Variants in STK17B observed in about 807,000 individuals in gnomAD.
STK17B encodes serine/threonine-protein kinase 17B.
Under a neutral mutation model 42.0 loss-of-function variants are expected in STK17B, and 21 were observed. That is an observed-to-expected ratio of 0.50 (90% CI 0.35 to 0.72). The LOEUF (loss-of-function observed/expected upper bound fraction) is 0.72, where lower values mean the gene tolerates loss of function less well. STK17B is among the 30% of genes least tolerant of loss of function. The pLI is 0.00. For synonymous variants in STK17B, 143 were observed against 148.4 expected (o/e 0.96, Z 0.26); for missense variants, 349 against 446.0 (o/e 0.78, Z 1.96).
chr2:196,143,480 G>T, intron 5 of STK17B, 80 bp downstream of exon 5: 2 of 1,295,364 alleles, frequency 1.5e-6, no homozygotes, highest in East Asian at 2.5e-5. Context: ...CGAATTACAT[G>T]CTCTAAAATA....
At chr2:196,173,457 A>C (rs1296872158), upstream of STK17B, among the ~76,000 whole-genome samples, 2 of 152,174 alleles carry the variant, frequency 1.3e-5, no homozygotes, top group Non-Finnish European at 2.9e-5. Flanking sequence ...GCCTGATGTC[A>C]GATTTGTTAA....
chr2:196,171,955 C>T (rs186136850), upstream of STK17B, among the ~76,000 whole-genome samples: 2 of 152,154 alleles, frequency 1.3e-5, no homozygotes, highest in Non-Finnish European at 1.5e-5. Flanking sequence ...AGAAGGAAGC[C>T]GCAAAATTCG....
Position 196,137,640 on chromosome 2 carries a change from C to A in STK17B, c.926G>T (p.Ser309Ile). ...AGAATGATCCTGAGTTTGAGAGGAA[C>A]TGGAAGTTTCTTCAGGGTGAAACAA... ...ENLFHPEETS[S>I]SSQTQDHSVR... Residue 309 changes from serine to isoleucine, a missense_variant, in exon 8 of 8, where the codon AGT (serine) becomes ATT (isoleucine). Coordinates refer to ENST00000263955, the MANE Select transcript of STK17B (RefSeq NM_004226.4). 1.2e-6 allele frequency: 2 copies of A among 1,614,098 alleles called. No individual in the cohort carries two copies. Among genetic ancestry groups the A allele is most frequent in the Non-Finnish European group, 1.7e-6 (2 of 1,179,994 alleles).
At chr2:196,172,672 A>T (rs1699962412), upstream of STK17B, among the ~76,000 whole-genome samples, 1 of 152,170 alleles carries the variant, frequency 6.6e-6, no homozygotes, top group Non-Finnish European at 1.5e-5. Flanking sequence ...CCTTTTATGA[A>T]GTCTGTTTGT....
chr2:196,153,841 G>A (rs1699701282), intron 3 of STK17B: 1 of 152,046 alleles, frequency 6.6e-6, no homozygotes, highest in African/African-American at 2.4e-5. Flanking sequence ...AAAACATAAT[G>A]GGTTATTTTC....
At position 196,135,035 on chromosome 2, in the gene STK17B, A is replaced by G. The variant is rs983383725; in HGVS notation, c.*2412T>C. On this transcript the variant is annotated 3_prime_UTR_variant, in exon 8 of 8. Transcript: ENST00000263955. ...AGTTGCTTTTTTACTATAAAACTTA[A>G]TATCAGGAAAAAAGGCATGGAAATT... 4.6e-5 allele frequency: 7 copies of G among 152,188 alleles called. No individual in the cohort carries two copies. Among genetic ancestry groups the G allele is most frequent in the African/African-American group, 1.7e-4 (7 of 41,442 alleles). 9.4% of individuals were successfully genotyped at this position (152,188 alleles called of 1,614,324 possible).
At chr2:196,156,801 A>G in intron 2 of STK17B, 150 bp from the exon 3 acceptor site, 3 of 671,522 alleles carry the variant, frequency 4.5e-6, no homozygotes, top group East Asian at 5.5e-5. Flanking sequence ...ATTGATTCAA[A>G]TATCATACGT....
chr2:196,161,011 A>G (rs1235214746), intron 2 of STK17B, among the ~76,000 whole-genome samples: 1 of 152,212 alleles, frequency 6.6e-6, no homozygotes, highest in Non-Finnish European at 1.5e-5. Flanking sequence ...AGTTAATTTA[A>G]AAAATGTAAG....
rs1699465388 is a variant in STK17B at position 196,139,740 on chromosome 2, T to C, written c.716A>G (p.Asp239Gly). ...LTHTSPFVGE[D>G]NQETYLNISQ... ...AATATTGAGGTATGTTTCTTGATTA[T>C]CTTCTCCCACAAATGGTGATGTGTG... The change falls in exon 7 of 8, where the codon GAT becomes GGT. Residue 239 changes from aspartate to glycine, a missense_variant. Around this residue, in one of 3 missense-constraint regions of STK17B, gnomAD observed 256 missense variants for 347.7 expected, o/e 0.74. Coordinates refer to ENST00000263955, the MANE Select transcript of STK17B (RefSeq NM_004226.4). The C allele has an allele frequency of 6.9e-7, 1 of 1,457,590 alleles. No homozygotes were observed. Among genetic ancestry groups the C allele is most frequent in the Non-Finnish European group, 9.1e-7 (1 of 1,102,500 alleles). The allele number at this position is 1,457,590 out of a possible 1,614,324, so 90.3% of individuals were successfully genotyped here. A position where few individuals can be genotyped will look rare whatever the true frequency, so the allele number is the denominator to read the frequency against.
chr2:196,164,036 C>CTTAA (rs368762428), intron 1 of STK17B, among the ~76,000 whole-genome samples: 4,041 of 101,410 alleles, frequency 0.04, 71 homozygotes, highest in African/African-American at 0.083. Flanking sequence ...GAGATCTTAT[C>CTTAA]TCAATAAATA....
At chr2:196,139,263 C>T (rs980874699) in intron 7 of STK17B, among the ~76,000 whole-genome samples, 2 of 152,136 alleles carry the variant, frequency 1.3e-5, no homozygotes, top group Admixed American at 6.5e-5. Flanking sequence ...CGCGCCCGGC[C>T]GTAAAATCAT....
upstream of STK17B, among the ~76,000 whole-genome samples, chr2:196,171,858 C>T (rs936850959): frequency 2.0e-5 from 3 of 151,564 alleles, no homozygotes; most frequent in African/African-American, 7.3e-5. Context: ...GCAGAGGGGG[C>T]GCGCGGGGCT....
chr2:196,167,513 T>C (rs1036104821), intron 1 of STK17B, among the ~76,000 whole-genome samples: 7 of 152,214 alleles, frequency 4.6e-5, no homozygotes, highest in Non-Finnish European at 1.0e-4. Flanking sequence ...AATTCAGCAT[T>C]TGGACAAATA....
At chr2:196,152,190 T>G (rs1361940619) in intron 3 of STK17B, among the ~76,000 whole-genome samples, 1 of 151,046 alleles carries the variant, frequency 6.6e-6, no homozygotes, top group Non-Finnish European at 1.5e-5. Context: ...CACTGCAACC[T>G]CTGCCTCCCA....
intron 6 of STK17B, among the ~76,000 whole-genome samples, chr2:196,140,600 T>G (rs1346831517): frequency 4.8e-5 from 4 of 83,834 alleles, no homozygotes; most frequent in Non-Finnish European, 1.1e-4. Flanking sequence ...TTTTTTTTTT[T>G]GTCACCCAGG....
intron 2 of STK17B, 84 bp downstream of exon 2, chr2:196,163,178 A>T: frequency 3.4e-6 from 5 of 1,476,772 alleles, no homozygotes; most frequent in Non-Finnish European, 4.6e-6. Context: ...TTAAATAATG[A>T]TCCCAAGTGA....
chr2:196,173,675 C>G (rs1269765266), upstream of STK17B, among the ~76,000 whole-genome samples: 1 of 152,202 alleles, frequency 6.6e-6, no homozygotes, highest in Non-Finnish European at 1.5e-5. Context: ...TGTTCCTGCT[C>G]TCATTCCCTT....
At chr2:196,172,435 G>T (rs572143098), upstream of STK17B, among the ~76,000 whole-genome samples, 6 of 152,306 alleles carry the variant, frequency 3.9e-5, no homozygotes, top group African/African-American at 1.2e-4. Flanking sequence ...TGTAATCTAG[G>T]ATTGCTTTCA....
rs1032472521 is a variant in STK17B at position 196,135,997 on chromosome 2, A to C, written c.*1450T>G. On this transcript the variant is annotated 3_prime_UTR_variant, in exon 8 of 8. Coordinates refer to ENST00000263955, the MANE Select transcript of STK17B (RefSeq NM_004226.4). ...ATTAAAGGAATTCACCATGTGGTCA[A>C]ATAAAGTGACCTGATAGTTATTCAA... 6.6e-6 allele frequency: 1 copy of C among 152,150 alleles called. No individual in the cohort carries two copies. The highest frequency in any genetic ancestry group is 2.4e-5 in the African/African-American group (1 of 41,434). 9.4% of individuals were successfully genotyped at this position (152,150 alleles called of 1,614,324 possible). A position where few individuals can be genotyped will look rare whatever the true frequency, so the allele number is the denominator to read the frequency against.
Sources: gnomAD v4.1 joint callset for allele counts (sites outside exome capture counted in the v4.1 genomes callset) on GRCh38, gnomAD v4.1.1 for gene constraint, gnomAD v4.1.1 regional missense constraint, MANE v1.5 for transcripts, NCBI Gene and HGNC (gene_info 2026-07-23, HGNC 2026-07-21) for gene names.